Variants in CREB5 observed in about 807,000 individuals in gnomAD.
The protein encoded by CREB5 is cyclic AMP-responsive element-binding protein 5.
In CREB5, 19 loss-of-function variants were observed where a neutral mutation model predicts 57.1. That is an observed-to-expected ratio of 0.33 (90% CI 0.23 to 0.49). CREB5 has a LOEUF of 0.49. Ranked by LOEUF, CREB5 falls within the 20% of genes least tolerant of loss-of-function variation. The pLI, the probability that CREB5 is intolerant of heterozygous loss-of-function variation, is 0.99. For missense variants in CREB5, 579 were observed against 671.6 expected, an observed-to-expected ratio of 0.86 and a Z score of 1.52; for synonymous variants, 238 against 238.3, an observed-to-expected ratio of 1.00 and a Z score of 0.01.
intron 7 of CREB5, among the ~76,000 whole-genome samples, chr7:28,783,946 T>C (rs1212226540): frequency 6.6e-6 from 1 of 152,214 alleles, no homozygotes; most frequent in Non-Finnish European, 1.5e-5. Context: ...GGCAGCCTCA[T>C]ATATATTTAA....
At chr7:28,491,130 C>G in intron 2 of CREB5, 1 of 838,686 alleles carries the variant, frequency 1.2e-6, no homozygotes, top group Non-Finnish European at 1.4e-6. Flanking sequence ...ATAGAGAACT[C>G]TTTCAAGAGC....
chr7:28,471,374 G>C (rs1194870665), intron 1 of CREB5, among the ~76,000 whole-genome samples: 2 of 151,978 alleles, frequency 1.3e-5, no homozygotes, highest in African/African-American at 4.8e-5. Flanking sequence ...TTGAAAATGA[G>C]TTCACTGTAC....
chr7:28,506,264 C>T (rs1280955362), intron 3 of CREB5, among the ~76,000 whole-genome samples: 3 of 152,110 alleles, frequency 2.0e-5, no homozygotes, highest in Non-Finnish European at 4.4e-5. Context: ...TAACTATTCT[C>T]TGTATGATTT....
intron 4 of CREB5, among the ~76,000 whole-genome samples, chr7:28,565,540 G>A (rs1489197900): frequency 3.3e-5 from 5 of 152,318 alleles, no homozygotes; most frequent in Middle Eastern, 3.4e-3. Context: ...GACTAGAGAT[G>A]TGGTTTATAA....
chr7:28,625,917 CTACTG>C (rs1357557162), intron 5 of CREB5, among the ~76,000 whole-genome samples: 1 of 152,142 alleles, frequency 6.6e-6, no homozygotes, highest in East Asian at 1.9e-4. Flanking sequence ...AGTGAAATAA[CTACTG>C]TAAGAGTCTT....
intron 1 of CREB5, among the ~76,000 whole-genome samples, chr7:28,431,982 CT>C (rs34222908): frequency 0.031 from 3,879 of 124,798 alleles, 38 homozygotes; most frequent in Non-Finnish European, 0.042. Context: ...ACAGCTATGC[CT>C]TTTTTTTTTT....
intron 7 of CREB5, among the ~76,000 whole-genome samples, chr7:28,776,777 A>T (rs767583594): frequency 1.3e-5 from 2 of 152,234 alleles, no homozygotes; most frequent in Non-Finnish European, 2.9e-5. Flanking sequence ...ATATTTCATA[A>T]AAATGGGATC....
chr7:28,737,569 A>ACG (rs1804086940), intron 7 of CREB5, among the ~76,000 whole-genome samples: 1 of 97,112 alleles, frequency 1.0e-5, no homozygotes, highest in Non-Finnish European at 2.1e-5. Context: ...ATATATATAT[A>ACG]TATATATATA....
chr7:28,398,256 G>A (rs1321158169), intron 1 of CREB5, among the ~76,000 whole-genome samples: 1 of 152,082 alleles, frequency 6.6e-6, no homozygotes, highest in Non-Finnish European at 1.5e-5. Flanking sequence ...TTTGCTTTTT[G>A]TGTCGGGCCT....
rs35313065 is a variant in CREB5 at position 28,736,824 on chromosome 7, C to CTT, written c.702+12508_702+12509dup. On this transcript the variant is annotated intron_variant, in intron 7 of 10. Coordinates refer to ENST00000357727, the MANE Select transcript of CREB5 (RefSeq NM_182898.4). ...ATGTACTTAGGCTCTCTCTCTCTCT[C>CTT]TTTTTTTTTTTTTTTTTAACAGTAG... is the stretch of plus-strand genomic sequence containing the variant. Among the ~76,000 whole-genome samples, 894 of 134,822 alleles carry CTT rather than the reference C, an allele frequency of 6.6e-3. 8 individuals carry two copies. Among genetic ancestry groups the CTT allele is most frequent in the South Asian group, 0.011 (45 of 4,134 alleles). The allele number at this position is 134,822 out of a possible 152,430, so 88.4% of individuals were successfully genotyped here.
intron 1 of CREB5, among the ~76,000 whole-genome samples, chr7:28,445,566 A>T (rs55637769): frequency 0.015 from 2,065 of 140,822 alleles, 26 homozygotes; most frequent in Middle Eastern, 0.056. Context: ...TTTTTTTTTT[A>T]TTTGAGACGG....
intron 1 of CREB5, among the ~76,000 whole-genome samples, chr7:28,417,300 TA>T (rs1788066534): frequency 6.6e-6 from 1 of 152,088 alleles, no homozygotes; most frequent in Non-Finnish European, 1.5e-5. Context: ...CATTTAAACA[TA>T]TAATCCATAT....
chr7:28,814,096 C>G (rs765082256), intron 9 of CREB5, among the ~76,000 whole-genome samples: 2 of 152,180 alleles, frequency 1.3e-5, no homozygotes, highest in African/African-American at 2.4e-5. Flanking sequence ...TACTAGACTT[C>G]CAGGCCACAT....
intron 5 of CREB5, among the ~76,000 whole-genome samples, chr7:28,639,236 A>AT (rs1798550432): frequency 6.6e-6 from 1 of 152,206 alleles, no homozygotes; most frequent in Admixed American, 6.5e-5. Flanking sequence ...ATTTTCTAGA[A>AT]TAAGTCCAAT....
At chr7:28,550,166 TCTTCTC>T (rs1339743951) in intron 4 of CREB5, among the ~76,000 whole-genome samples, 17 of 152,136 alleles carry the variant, frequency 1.1e-4, no homozygotes, top group Non-Finnish European at 1.6e-4. Context: ...TTCTCTTCTT[TCTTCTC>T]CTTCTCCTCT....
intron 4 of CREB5, among the ~76,000 whole-genome samples, chr7:28,529,608 A>G (rs1302178172): frequency 6.6e-6 from 1 of 152,212 alleles, no homozygotes; most frequent in South Asian, 2.1e-4. Context: ...AGGTGGGAAA[A>G]TAAAGAACAA....
chr7:28,359,067 A>G (rs1465061574), intron 1 of CREB5, among the ~76,000 whole-genome samples: 1 of 152,174 alleles, frequency 6.6e-6, no homozygotes, highest in Non-Finnish European at 1.5e-5. Context: ...TATTTTGATC[A>G]ATGAATTTAT....
intron 5 of CREB5, among the ~76,000 whole-genome samples, chr7:28,646,446 A>G (rs895837656): frequency 6.6e-6 from 1 of 152,202 alleles, no homozygotes; most frequent in Non-Finnish European, 1.5e-5. Context: ...AATATTTTGA[A>G]GGAACAATTT....
intron 1 of CREB5, among the ~76,000 whole-genome samples, chr7:28,457,379 T>C (rs1220982550): frequency 6.6e-6 from 1 of 152,164 alleles, no homozygotes; most frequent in Non-Finnish European, 1.5e-5. Context: ...AACAAGTGAC[T>C]GAAATAAGCA....
Sources: allele counts gnomAD v4.1 joint callset (sites outside exome capture counted in the v4.1 genomes callset), GRCh38; gene constraint gnomAD v4.1.1; transcripts MANE v1.5; gene names NCBI Gene and HGNC (gene_info 2026-07-23, HGNC 2026-07-21).